The following RYR1 variants were observed in gnomAD, a reference collection of about 807,000 sequenced individuals.
RYR1 encodes ryanodine receptor 1, also known as central core disease of muscle.
In RYR1, 342 loss-of-function variants were observed where a neutral mutation model predicts 583.5. The ratio of observed to expected loss-of-function variants is 0.59; its 90% CI spans 0.54 to 0.64. RYR1 has a LOEUF of 0.64. RYR1 is among the 30% of genes least tolerant of loss of function. The pLI, the probability that RYR1 is intolerant of heterozygous loss-of-function variation, is 0.00. For synonymous variants in RYR1, 2,791 were observed against 2,822.5 expected (o/e 0.99, Z 0.35); for missense variants, 6,032 against 6,917.2 (o/e 0.87, Z 4.54).
chr19:38,530,994 T>C (rs1971712603), intron 76 of RYR1, among the ~76,000 whole-genome samples: 2 of 149,114 alleles, frequency 1.3e-5, no homozygotes, highest in South Asian at 4.3e-4. Context: ...TCTCTTTTTT[T>C]TTTTTTTTTT....
At chr19:38,476,259 C>T (rs1218470750) in intron 29 of RYR1, among the ~76,000 whole-genome samples, 1 of 151,522 alleles carries the variant, frequency 6.6e-6, no homozygotes. Context: ...AGTGCAGTGG[C>T]GCGATCTCGG....
intron 9 of RYR1, among the ~76,000 whole-genome samples, chr19:38,447,718 T>C (rs1194785930): frequency 6.6e-6 from 1 of 151,526 alleles, no homozygotes; most frequent in Non-Finnish European, 1.5e-5. Context: ...GGCACGCACC[T>C]GTAATCCCAG....
Position 38,535,197 on chromosome 19 carries a change from G to A in RYR1, c.11416G>A (p.Gly3806Arg), listed in dbSNP as rs111565359. ...GAAGCTGGGCATCTCCATCCTCAATGGAGGCAATGCTGAGGTCCAGCAGGT... is the reference window on the plus strand; with the variant it reads ...GAAGCTGGGCATCTCCATCCTCAATAGAGGCAATGCTGAGGTCCAGCAGGT... The part of the protein sequence containing the change: ...TLKLGISILN[G>R]GNAEVQQKML... Residue 3806 changes from glycine to arginine, a missense_variant, in exon 80 of 106, where the codon GGA becomes AGA. Coordinates refer to ENST00000359596, the MANE Select transcript of RYR1 (RefSeq NM_000540.3). 1.2e-6 allele frequency: 2 copies of A among 1,614,134 alleles called. No homozygotes were observed. The highest frequency in any genetic ancestry group is 1.7e-6 in the Non-Finnish European group (2 of 1,180,036).
At position 38,496,798 on chromosome 19, in the gene RYR1, G is replaced by A. The variant is rs1333245601; in HGVS notation, c.6797-62G>A. On this transcript the variant is annotated intron_variant, in intron 41 of 105. Coordinates refer to ENST00000359596, the MANE Select transcript of RYR1 (RefSeq NM_000540.3). The surrounding 1 kb of genome is among the most constrained non-coding windows in gnomAD (Gnocchi z 4.8). The stretch of plus-strand genomic sequence containing the variant: ...GCTGGAAAAAGGGTGGTCAGGGAGG[G>A]CTTCCCAGAGGAGGCGAGACAAGCA... The A allele has an allele frequency of 2.0e-6, 3 of 1,501,476 alleles. No individual in the cohort carries two copies. The highest frequency in any genetic ancestry group is 2.8e-6 in the Non-Finnish European group (3 of 1,078,878). The allele number at this position is 1,501,476 out of a possible 1,614,324, so 93.0% of individuals were successfully genotyped here. A position where few individuals can be genotyped will look rare whatever the true frequency, so the allele number is the denominator to read the frequency against.
rs375160141 is a variant in RYR1 at position 38,486,002 on chromosome 19, G to T, written c.5347G>T (p.Val1783Leu). ...PPHHFSPPCF[V>L]AALPAAGAAE... ...GCATCATTTCTCGCCCCCCTGTTTC[G>T]TGGCCGCTCTGCCAGCTGCTGGGGC... The change falls in exon 34 of 106, where the codon GTG becomes TTG. Residue 1783 changes from valine to leucine, a missense_variant. By Grantham distance (32) the Val-to-Leu change is conservative. This residue lies in a region of RYR1 where 2,627 missense variants were observed against 2,961.3 expected (regional missense o/e 0.89). Transcript: ENST00000359596. The T allele has an allele frequency of 1.9e-6, 3 of 1,613,460 alleles. No homozygotes were observed. Among genetic ancestry groups the T allele is most frequent in the Non-Finnish European group, 1.7e-6 (2 of 1,179,912 alleles).
chr19:38,496,494 T>C lies in RYR1; in HGVS notation c.6749T>C (p.Met2250Thr), dbSNP rs1211871195. The change falls in exon 41 of 106, where the codon ATG becomes ACG. Residue 2250 changes from methionine (M) to threonine (T), a missense_variant. Met to Thr is a moderately conservative substitution (Grantham distance 81). Around this residue, in one of 11 missense-constraint regions of RYR1, gnomAD observed 2,627 missense variants for 2,961.3 expected, o/e 0.89. Coordinates refer to ENST00000359596, the MANE Select transcript of RYR1 (RefSeq NM_000540.3). The surrounding 1 kb of genome is among the most constrained non-coding windows in gnomAD (Gnocchi z 4.8). ...CRISRQNQRS[M>T]FDHLSYLLEN... The stretch of plus-strand genomic sequence containing the variant: ...ATCAGCCGGCAGAACCAGCGCTCCA[T>C]GTTTGACCACCTGAGCTACCTGCTG... The C allele has an allele frequency of 8.7e-6, 14 of 1,613,654 alleles. No individual in the cohort carries two copies. The highest frequency in any genetic ancestry group is 1.2e-5 in the Non-Finnish European group (14 of 1,180,018).
At position 38,469,388 on chromosome 19, in the gene RYR1, G is replaced by C; in HGVS notation, c.3640G>C (p.Ala1214Pro). The change falls in exon 27 of 106, where the codon GCC (alanine) becomes CCC (proline). Residue 1214 changes from alanine to proline, a missense_variant. Around this residue, in one of 11 missense-constraint regions of RYR1, gnomAD observed 2,627 missense variants for 2,961.3 expected, o/e 0.89. Coordinates refer to ENST00000359596, the MANE Select transcript of RYR1 (RefSeq NM_000540.3). ...GQDVSSLRFF[A>P]ICGLQEGFEP... is the part of the protein sequence containing the mutation. The stretch of plus-strand genomic sequence containing the variant: ...GGACGTGAGCTCTCTGAGGTTCTTT[G>C]CCATCTGTGGCCTCCAGGAAGGCTT... 1 of 1,614,080 alleles carries C rather than the reference G, an allele frequency of 6.2e-7. No individual in the cohort carries two copies. Among genetic ancestry groups the C allele is most frequent in the Admixed American group, 1.7e-5 (1 of 60,004 alleles).
In RYR1 at chr19:38,543,892, T is replaced by A. The variant is rs572697153; in HGVS notation, c.12012+17T>A. On this transcript the variant is annotated intron_variant, in intron 87 of 105. Transcript: ENST00000359596. The surrounding 1 kb of genome is among the most constrained non-coding windows in gnomAD (Gnocchi z 4.4). ...CTCGCTCAGGTTCGAGCCCCTCTGG[T>A]CTCCATCCACCTGCTTCCGGGCGTC... 6.2e-7 allele frequency: 1 copy of A among 1,610,048 alleles called. No individual in the cohort carries two copies. Among genetic ancestry groups the A allele is most frequent in the Non-Finnish European group, 8.5e-7 (1 of 1,178,606 alleles).
Position 38,548,330 on chromosome 19 carries a change from C to G in RYR1, c.12192C>G (p.Phe4064Leu). Residue 4064 changes from phenylalanine (F) to leucine (L), a missense_variant, in exon 89 of 106, where the codon TTC becomes TTG. By Grantham distance (22) the Phe-to-Leu change is conservative. Around this residue, in one of 11 missense-constraint regions of RYR1, gnomAD observed 753 missense variants for 759.6 expected, o/e 0.99. Coordinates refer to ENST00000359596, the MANE Select transcript of RYR1 (RefSeq NM_000540.3). ...VEMILKFFDM[F>L]LKLKDIVGSE... ...TGATCCTCAAGTTCTTCGACATGTT[C>G]CTGAAACTCAAGGACATTGTGGGCT... The G allele has an allele frequency of 6.2e-7, 1 of 1,614,206 alleles. No homozygotes were observed. The highest frequency in any genetic ancestry group is 1.1e-5 in the South Asian group (1 of 91,082).
chr19:38,447,857 A>G (rs1481136527), intron 9 of RYR1, among the ~76,000 whole-genome samples: 1 of 143,850 alleles, frequency 7.0e-6, no homozygotes, highest in African/African-American at 2.7e-5. Flanking sequence ...AAAAAAAAAA[A>G]ACAAGCAAAA....
intron 38 of RYR1, among the ~76,000 whole-genome samples, chr19:38,492,965 A>G (rs2145572379): frequency 6.6e-6 from 1 of 152,170 alleles, no homozygotes; most frequent in Non-Finnish European, 1.5e-5. Context: ...AGCTACTTGG[A>G]GACTGAGGCA....
chr19:38,445,222 CA>C (rs61419525), intron 7 of RYR1, among the ~76,000 whole-genome samples: 368 of 48,146 alleles, frequency 7.6e-3, no homozygotes, highest in East Asian at 0.032. Flanking sequence ...GACTCTGCCT[CA>C]AAAAAAAAAA....
In RYR1 at chr19:38,496,319, G is replaced by A. The variant is rs1969822644; in HGVS notation, c.6653G>A (p.Gly2218Asp). 1.2e-6 allele frequency: 2 copies of A among 1,613,978 alleles called. No homozygotes were observed. The highest frequency in any genetic ancestry group is 1.1e-5 in the South Asian group (1 of 91,084). The change falls in exon 40 of 106, where the codon GGC (glycine) becomes GAC (aspartate). Residue 2218 changes from glycine to aspartate, a missense_variant. Transcript: ENST00000359596. This position sits in a 1 kb window ranked among gnomAD's most constrained non-coding sequence, Gnocchi z 4.8. ...MEVMVNVLGG[G>D]ESKEIRFPKM... ...GTCATGGTCAACGTCCTCGGGGGCG[G>A]CGAGTCCAAGGTGAGGGCCCAGGCA...
intron 11 of RYR1, among the ~76,000 whole-genome samples, chr19:38,449,416 G>A (rs927678924): frequency 2.0e-5 from 3 of 151,862 alleles, no homozygotes; most frequent in African/African-American, 4.8e-5. Context: ...AGCCAATATC[G>A]TGCCATTGCA....
chr19:38,504,142 T>C (rs915828137), intron 49 of RYR1, 78 bp from the exon 50 acceptor site: 23 of 1,476,574 alleles, frequency 1.6e-5, no homozygotes, highest in Non-Finnish European at 2.0e-5. Context: ...GGCATGCCTG[T>C]GTCTCTCTGG....
chr19:38,490,982 TG>T (rs760910794), intron 37 of RYR1, among the ~76,000 whole-genome samples: 2 of 152,020 alleles, frequency 1.3e-5, no homozygotes, highest in Non-Finnish European at 2.9e-5. Flanking sequence ...ATAGAAGAAG[TG>T]GGTAAAAAAT....
chr19:38,519,052 G>A (rs140209996), intron 66 of RYR1, among the ~76,000 whole-genome samples, 162 bp from the exon 67 acceptor site: 1,908 of 152,214 alleles, frequency 0.013, 16 homozygotes, highest in Admixed American at 0.024. Context: ...AGGGGCTATG[G>A]CTGGGATCAG....
At chr19:38,515,394 C>T (rs1205323919) in intron 64 of RYR1, among the ~76,000 whole-genome samples, 2 of 152,062 alleles carry the variant, frequency 1.3e-5, no homozygotes, top group Admixed American at 1.3e-4. Context: ...ACACTGGGGT[C>T]ACTGGGGAGG....
chr19:38,485,641 C>T lies in RYR1; in HGVS notation c.4986C>T (p.His1662=), dbSNP rs1316895692. 2 of 1,610,594 alleles carry T rather than the reference C, an allele frequency of 1.2e-6. No individual in the cohort carries two copies. The highest frequency in any genetic ancestry group is 2.2e-5 in the South Asian group (2 of 91,092). The change falls in exon 34 of 106, where the codon CAC becomes CAT. Residue 1662 remains histidine, a synonymous_variant. Transcript: ENST00000359596. ...AGCGCCTGGACCTGCAGCGCTTCCA[C>T]TCGCACACCCTGCGCCTCTACCGCG... The part of the protein sequence containing the change: ...LSERLDLQRF[H]SHTLRLYRAV...
Sources: allele counts gnomAD v4.1 joint callset (sites outside exome capture counted in the v4.1 genomes callset), GRCh38; gene constraint gnomAD v4.1.1; regional missense constraint gnomAD v4.1.1; non-coding constraint Gnocchi (gnomAD v3.1); transcripts MANE v1.5; gene names NCBI Gene and HGNC (gene_info 2026-07-23, HGNC 2026-07-21).